The following HIVEP1 variants were observed in gnomAD, a reference collection of about 807,000 sequenced individuals.
HIVEP1 encodes the protein HIVEP zinc finger 1.
A neutral mutation model predicts 180.0 loss-of-function variants in HIVEP1; 36 were observed. That is an observed-to-expected ratio of 0.20 (90% CI 0.15 to 0.26). The LOEUF (loss-of-function observed/expected upper bound fraction) is 0.26. HIVEP1 is among the 10% of genes least tolerant of loss of function. The pLI, the probability that HIVEP1 is intolerant of heterozygous loss-of-function variation, is 1.00. For missense variants in HIVEP1, 3,143 were observed against 3,268.7 expected, an observed-to-expected ratio of 0.96 and a Z score of 0.94; for synonymous variants, 1,239 against 1,239.0, an observed-to-expected ratio of 1.00 and a Z score of 0.00.
intron 2 of HIVEP1, among the ~76,000 whole-genome samples, chr6:12,074,648 G>GCA (rs1264034206): frequency 2.6e-5 from 4 of 151,758 alleles, no homozygotes; most frequent in Non-Finnish European, 4.4e-5. Context: ...GTGTGTGCGC[G>GCA]CGCGTGCATG....
chr6:12,167,721 T>TAC, downstream of HIVEP1, among the ~76,000 whole-genome samples: 1 of 126,574 alleles, frequency 7.9e-6, no homozygotes, highest in African/African-American at 2.8e-5. Flanking sequence ...GCATAATATA[T>TAC]ATACATATAT....
chr6:12,201,766 T>C, the HIVEP1 span, among the ~76,000 whole-genome samples: 1 of 152,186 alleles, frequency 6.6e-6, no homozygotes, highest in Admixed American at 6.5e-5. Flanking sequence ...AGTTGGGGAG[T>C]GAAAAAATAA....
At chr6:12,160,732 T>A (rs147300449) in intron 7 of HIVEP1, among the ~76,000 whole-genome samples, 51 of 152,380 alleles carry the variant, frequency 3.3e-4, no homozygotes, top group African/African-American at 1.1e-3. Flanking sequence ...AGTGACTGCC[T>A]GTCCACGGTT....
At chr6:12,088,037 T>C (rs1413336466) in intron 2 of HIVEP1, among the ~76,000 whole-genome samples, 1 of 152,164 alleles carries the variant, frequency 6.6e-6, no homozygotes, top group Non-Finnish European at 1.5e-5. Context: ...CAATATGCAA[T>C]TGAAAGACGT....
the HIVEP1 span, among the ~76,000 whole-genome samples, chr6:12,177,335 A>G: frequency 1.3e-5 from 2 of 152,170 alleles, no homozygotes; most frequent in Non-Finnish European, 2.9e-5. Flanking sequence ...AAAAAATAAA[A>G]TGATACAAAG....
intron 2 of HIVEP1, among the ~76,000 whole-genome samples, chr6:12,022,039 C>G (rs183590905): frequency 2.6e-5 from 4 of 152,278 alleles, no homozygotes; most frequent in African/African-American, 9.6e-5. Context: ...CATTTTTGAA[C>G]CTCGAGTAGG....
chr6:12,142,476 A>G (rs1478718172), intron 7 of HIVEP1, among the ~76,000 whole-genome samples: 2 of 152,222 alleles, frequency 1.3e-5, no homozygotes, highest in African/African-American at 4.8e-5. Flanking sequence ...TAAAGGAACT[A>G]GAGAAGCAAG....
In HIVEP1 at chr6:12,161,785, G is replaced by A. The variant is rs1263488369; in HGVS notation, c.6834G>A (p.Arg2278=). Residue 2278 remains arginine (R), a synonymous_variant, in exon 8 of 9, where the codon AGG becomes AGA. Coordinates refer to ENST00000379388, the MANE Select transcript of HIVEP1 (RefSeq NM_002114.4). ...AGACACTCTCTCCGGGGAAGGCCAG[G>A]CAGCGTGCTGCGAGAGATGAAAACG... The part of the protein sequence containing the change: ...NRKTLSPGKA[R]QRAARDENDT... The A allele has an allele frequency of 2.6e-5, 42 of 1,614,180 alleles. No homozygotes were observed. Among genetic ancestry groups the A allele is most frequent in the Non-Finnish European group, 3.3e-5 (39 of 1,180,028 alleles).
chr6:12,090,591 A>G (rs1436670607), intron 3 of HIVEP1, among the ~76,000 whole-genome samples: 2 of 149,876 alleles, frequency 1.3e-5, no homozygotes, highest in Non-Finnish European at 3.0e-5. Context: ...ACATTCTTAC[A>G]GAAAAACAAG....
Position 12,163,664 on chromosome 6 carries a change from C to G in HIVEP1, c.7360C>G (p.Pro2454Ala). The change falls in exon 9 of 9, where the codon CCT becomes GCT. Residue 2454 changes from proline (P) to alanine (A), a missense_variant. Pro to Ala is a conservative substitution (Grantham distance 27, BLOSUM62 -1). This residue lies in a region of HIVEP1 where 595 missense variants were observed against 602.2 expected (regional missense o/e 0.99). Coordinates refer to ENST00000379388, the MANE Select transcript of HIVEP1 (RefSeq NM_002114.4). ...CACAGAAGTGTCTGGCACTACAAAC[C>G]CTGCTGGAGTGGCTGAATTAAGCAG... is the stretch of plus-strand genomic sequence containing the variant. ...TVTEVSGTTN[P>A]AGVAELSSVV... The G allele has an allele frequency of 6.2e-7, 1 of 1,614,118 alleles. No homozygotes were observed. Among genetic ancestry groups the G allele is most frequent in the South Asian group, 1.1e-5 (1 of 91,080 alleles).
At chr6:12,042,985 G>T (rs143798026) in intron 2 of HIVEP1, among the ~76,000 whole-genome samples, 18 of 152,106 alleles carry the variant, frequency 1.2e-4, no homozygotes, top group Non-Finnish European at 1.5e-5. Flanking sequence ...AAATAAAGCC[G>T]ATTTCTCAGT....
At chr6:12,050,585 CA>C (rs57114429) in intron 2 of HIVEP1, among the ~76,000 whole-genome samples, 35,040 of 143,528 alleles carry the variant, frequency 0.24, 4,549 homozygotes, top group East Asian at 0.57. Flanking sequence ...GACTCCGTCT[CA>C]AAAAAAAAAA....
At chr6:12,045,743 T>C (rs1770077677) in intron 2 of HIVEP1, among the ~76,000 whole-genome samples, 1 of 152,238 alleles carries the variant, frequency 6.6e-6, no homozygotes, top group Admixed American at 6.5e-5. Context: ...AGCTCAAACC[T>C]CATTTATTAA....
At chr6:12,154,514 C>T (rs1365580501) in intron 7 of HIVEP1, among the ~76,000 whole-genome samples, 4 of 152,136 alleles carry the variant, frequency 2.6e-5, no homozygotes, top group Admixed American at 2.0e-4. Context: ...TAGTTGATTC[C>T]GTTTTTATTT....
chr6:12,108,199 G>A (rs1381738059), intron 3 of HIVEP1, among the ~76,000 whole-genome samples: 1 of 152,188 alleles, frequency 6.6e-6, no homozygotes, highest in African/African-American at 2.4e-5. Flanking sequence ...CTAGACACAG[G>A]GTGCTGATTG....
intron 2 of HIVEP1, among the ~76,000 whole-genome samples, chr6:12,020,875 T>C (rs1362261785): frequency 2.1e-5 from 2 of 94,434 alleles, no homozygotes; most frequent in Admixed American, 1.3e-4. Context: ...GAGAACCAGA[T>C]TTCTTTCTTT....
At chr6:12,113,028 G>A (rs1408354167) in intron 3 of HIVEP1, among the ~76,000 whole-genome samples, 1 of 151,934 alleles carries the variant, frequency 6.6e-6, no homozygotes, top group Non-Finnish European at 1.5e-5. Context: ...GGGAGAGTTG[G>A]CTTCATGCCT....
chr6:12,117,051 C>G (rs908130889), intron 3 of HIVEP1, among the ~76,000 whole-genome samples: 1 of 151,962 alleles, frequency 6.6e-6, no homozygotes, highest in South Asian at 2.1e-4. Context: ...ATTCAGTTGT[C>G]AACATAAGAG....
intron 2 of HIVEP1, among the ~76,000 whole-genome samples, chr6:12,051,686 G>A (rs1770551751): frequency 6.7e-6 from 1 of 149,464 alleles, no homozygotes; most frequent in Non-Finnish European, 1.5e-5. Flanking sequence ...GGGAAGGGAG[G>A]TGGTGGGGAG....
Sources: gnomAD v4.1 joint callset for allele counts (sites outside exome capture counted in the v4.1 genomes callset) on GRCh38, gnomAD v4.1.1 for gene constraint, gnomAD v4.1.1 regional missense constraint, MANE v1.5 for transcripts, NCBI Gene and HGNC (gene_info 2026-07-23, HGNC 2026-07-21) for gene names.